Variants in ATF7IP2 observed in about 807,000 individuals in gnomAD.
The protein encoded by ATF7IP2 is activating transcription factor 7 interacting protein 2.
A neutral mutation model predicts 64.2 loss-of-function variants in ATF7IP2; 42 were observed. The observed-to-expected ratio is 0.65, with a 90% CI of 0.51 to 0.85. The LOEUF (loss-of-function observed/expected upper bound fraction) is 0.85. ATF7IP2 is among the 40% of genes least tolerant of loss of function. The pLI, the probability that ATF7IP2 is intolerant of heterozygous loss-of-function variation, is 0.00. For synonymous variants in ATF7IP2, 308 were observed against 272.8 expected, an observed-to-expected ratio of 1.13 and a Z score of -1.27; for missense variants, 933 against 784.2, an observed-to-expected ratio of 1.19 and a Z score of -2.27.
chr16:10,475,722 G>GAAAAAAAAA (rs386384218), intron 12 of ATF7IP2, among the ~76,000 whole-genome samples: 3 of 41,644 alleles, frequency 7.2e-5, no homozygotes, highest in African/African-American at 2.4e-4. Flanking sequence ...TAAGAAGCCA[G>GAAAAAAAAA]AAAAAAAAAA....
chr16:10,429,749 T>TTTTA (rs2048181987), intron 4 of ATF7IP2, among the ~76,000 whole-genome samples: 1 of 143,928 alleles, frequency 6.9e-6, no homozygotes, highest in East Asian at 2.0e-4. Context: ...ATTTTATTTA[T>TTTTA]TTTATTTTAT....
rs183521053 is a variant in ATF7IP2 at position 10,482,293 on chromosome 16, T to G, written c.*44T>G. ...ATACTACTTTTTTTTTCATATTTGT[T>G]TGTTTGCAATGTTACTGTAATACTA... On this transcript the variant is annotated 3_prime_UTR_variant, in exon 14 of 14. Coordinates refer to ENST00000562102, the MANE Select transcript of ATF7IP2 (RefSeq NM_001393719.1). The G allele has an allele frequency of 3.2e-3, 4,464 of 1,405,958 alleles. 10 individuals carry two copies. Among genetic ancestry groups the G allele is most frequent in the Non-Finnish European group, 3.9e-3 (4,028 of 1,031,240 alleles). The allele number at this position is 1,405,958 out of a possible 1,614,324, so 87.1% of individuals were successfully genotyped here. A position where few individuals can be genotyped will look rare whatever the true frequency, so the allele number is the denominator to read the frequency against.
chr16:10,430,789 G>A lies in ATF7IP2; in HGVS notation c.169G>A (p.Val57Ile), dbSNP rs201092001. The part of the protein sequence containing the change: ...PSGNQSFSPS[V>I]ITRTTEITKC... ...CGGTAATCAGAGTTTCAGTCCTAGT[G>A]TCATAACTAGGACGACTGAAATAAC... Residue 57 changes from valine (V) to isoleucine (I), a missense_variant, in exon 5 of 14, where the codon GTC becomes ATC. Coordinates refer to ENST00000562102, the MANE Select transcript of ATF7IP2 (RefSeq NM_001393719.1). 27 of 1,559,964 alleles carry A rather than the reference G, an allele frequency of 1.7e-5. No individual in the cohort carries two copies. The highest frequency in any genetic ancestry group is 2.3e-5 in the Non-Finnish European group (26 of 1,155,178).
intron 1 of ATF7IP2, among the ~76,000 whole-genome samples, chr16:10,389,564 T>C (rs1231770495): frequency 6.6e-6 from 1 of 152,194 alleles, no homozygotes; most frequent in Non-Finnish European, 1.5e-5. Context: ...AAAATACATA[T>C]GTGAGCTAAA....
chr16:10,460,223 A>G (rs2049328976), intron 9 of ATF7IP2, among the ~76,000 whole-genome samples: 1 of 152,210 alleles, frequency 6.6e-6, no homozygotes, highest in South Asian at 2.1e-4. Context: ...AATACATTTA[A>G]TAAGAGAAAC....
intron 2 of ATF7IP2, among the ~76,000 whole-genome samples, chr16:10,417,939 T>C (rs1274961998): frequency 2.0e-5 from 3 of 152,188 alleles, no homozygotes; most frequent in South Asian, 2.1e-4. Flanking sequence ...GCTGGAACAA[T>C]TGGATGTCCA....
chr16:10,453,691 C>T (rs2049065040), intron 8 of ATF7IP2, among the ~76,000 whole-genome samples: 2 of 152,200 alleles, frequency 1.3e-5, no homozygotes, highest in South Asian at 2.1e-4. Context: ...AATCTCAGCT[C>T]ATCGCAACCT....
At chr16:10,443,651 G>A (rs2048705870) in intron 8 of ATF7IP2, among the ~76,000 whole-genome samples, 1 of 152,208 alleles carries the variant, frequency 6.6e-6, no homozygotes, top group Non-Finnish European at 1.5e-5. Context: ...GGAAGGGGGT[G>A]AGGAGTGGCA....
At chr16:10,433,487 TAAAA>T (rs1302335535) in intron 5 of ATF7IP2, 34 bp from the exon 6 acceptor site, 2 of 1,586,386 alleles carry the variant, frequency 1.3e-6, no homozygotes, top group African/African-American at 1.4e-5. Flanking sequence ...TTTTTTTCTT[TAAAA>T]TATCTTTCTT....
At chr16:10,459,023 T>G (rs149962097) in intron 9 of ATF7IP2, among the ~76,000 whole-genome samples, 1 of 102,908 alleles carries the variant, frequency 9.7e-6, no homozygotes, top group Non-Finnish European at 2.2e-5. Context: ...CCATCTCTAC[T>G]AAAAAATAAT....
At chr16:10,396,968 A>G (rs967010299) in intron 1 of ATF7IP2, among the ~76,000 whole-genome samples, 1 of 152,088 alleles carries the variant, frequency 6.6e-6, no homozygotes, top group Non-Finnish European at 1.5e-5. Flanking sequence ...CGCCCAGCCT[A>G]CATTTAACTT....
chr16:10,415,727 C>T (rs1187678812), intron 2 of ATF7IP2, among the ~76,000 whole-genome samples: 1 of 152,116 alleles, frequency 6.6e-6, no homozygotes, highest in Non-Finnish European at 1.5e-5. Context: ...GCATTAATAA[C>T]CAGAATATAA....
At chr16:10,402,911 A>C (rs1191041901) in intron 1 of ATF7IP2, among the ~76,000 whole-genome samples, 1 of 151,286 alleles carries the variant, frequency 6.6e-6, no homozygotes, top group East Asian at 1.9e-4. Flanking sequence ...CTTTCTCAAA[A>C]AAAAAAAAAA....
At chr16:10,459,092 G>A (rs1321536648) in intron 9 of ATF7IP2, among the ~76,000 whole-genome samples, 1 of 151,986 alleles carries the variant, frequency 6.6e-6, no homozygotes, top group East Asian at 1.9e-4. Context: ...CCAGCTCTTT[G>A]GGAGGCCGAG....
chr16:10,436,290 G>A (rs998082703), intron 6 of ATF7IP2, among the ~76,000 whole-genome samples: 2 of 152,152 alleles, frequency 1.3e-5, no homozygotes, highest in African/African-American at 4.8e-5. Context: ...TAAACATGGT[G>A]GGTGAAGATT....
intron 12 of ATF7IP2, among the ~76,000 whole-genome samples, chr16:10,479,380 A>T (rs1215777040): frequency 2.2e-4 from 34 of 152,128 alleles, no homozygotes; most frequent in East Asian, 1.7e-3. Context: ...AAATCATCAT[A>T]CTCAGTAAAC....
At chr16:10,456,657 G>C (rs561825574) in intron 8 of ATF7IP2, among the ~76,000 whole-genome samples, 1 of 152,272 alleles carries the variant, frequency 6.6e-6, no homozygotes, top group African/African-American at 2.4e-5. Context: ...AGGAAAAGTT[G>C]GCCTATGGTC....
Position 10,431,030 on chromosome 16 carries a change from C to T in ATF7IP2, c.410C>T (p.Ser137Leu), listed in dbSNP as rs1192524175. The T allele has an allele frequency of 3.7e-6, 6 of 1,614,150 alleles. No individual in the cohort carries two copies. Among genetic ancestry groups the T allele is most frequent in the Admixed American group, 3.3e-5 (2 of 60,018 alleles). Reference sequence around the variant, plus strand: ...GTCTTCACAGAAGAGGCAAAAGATTCACTGAACACTTCTGAAAACGATTCT... The same window carrying T: ...GTCTTCACAGAAGAGGCAAAAGATTTACTGAACACTTCTGAAAACGATTCT... ...SRVFTEEAKD[S>L]LNTSENDSEH... Residue 137 changes from serine (S) to leucine (L), a missense_variant, in exon 5 of 14, where the codon TCA (serine) becomes TTA (leucine). Ser to Leu is a moderately radical substitution (Grantham distance 145). Coordinates refer to ENST00000562102, the MANE Select transcript of ATF7IP2 (RefSeq NM_001393719.1).
intron 8 of ATF7IP2, among the ~76,000 whole-genome samples, chr16:10,444,060 G>C (rs1031236059): frequency 1.3e-5 from 2 of 152,132 alleles, no homozygotes; most frequent in Admixed American, 1.3e-4. Context: ...TAGAGGGCCA[G>C]GGCAAAGGTA....
Sources: allele counts gnomAD v4.1 joint callset (sites outside exome capture counted in the v4.1 genomes callset), GRCh38; gene constraint gnomAD v4.1.1; transcripts MANE v1.5; gene names NCBI Gene and HGNC (gene_info 2026-07-23, HGNC 2026-07-21).